The following NPAS3 variants were observed in gnomAD, a reference collection of about 807,000 sequenced individuals.
NPAS3 encodes neuronal PAS domain-containing protein 3.
In NPAS3, 14 loss-of-function variants were observed where a neutral mutation model predicts 73.1. The observed-to-expected ratio is 0.19, with a 90% confidence interval of 0.13 to 0.30. The LOEUF (loss-of-function observed/expected upper bound fraction) is 0.30. NPAS3 is among the 10% of genes least tolerant of loss of function. The probability of loss-of-function intolerance (pLI) is 1.00; values close to 1 mark genes in which losing one functional copy is unlikely to be tolerated. For missense variants in NPAS3, 1,096 were observed against 1,250.0 expected, an observed-to-expected ratio of 0.88 and a Z score of 1.86; for synonymous variants, 620 against 541.5, an observed-to-expected ratio of 1.14 and a Z score of -2.01.
chr14:32,966,627 G>T (rs59540691), intron 1 of NPAS3, among the ~76,000 whole-genome samples: 1 of 134,580 alleles, frequency 7.4e-6, no homozygotes, highest in Admixed American at 7.0e-5. Flanking sequence ...AAAATTAGCC[G>T]GGCGCGGTGG....
At chr14:33,354,218 A>G (rs2045223040) in intron 3 of NPAS3, among the ~76,000 whole-genome samples, 1 of 152,062 alleles carries the variant, frequency 6.6e-6, no homozygotes, top group African/African-American at 2.4e-5. Context: ...CTCTCCCTTC[A>G]TAGGAGAGTC....
At position 33,067,753 on chromosome 14, in the gene NPAS3, C is replaced by T. The variant is rs2041329696; in HGVS notation, c.140+11759C>T. Among the ~76,000 whole-genome samples, 3 of 152,294 alleles carry T rather than the reference C, an allele frequency of 2.0e-5. 1 individual carries two copies. In the South Asian group the frequency reaches 6.2e-4, roughly 32 times the overall value. On this transcript the variant is annotated intron_variant, in intron 2 of 11. Coordinates refer to ENST00000356141, the Ensembl canonical transcript of NPAS3. ...CACAGATTAAGACCTCTTTCATCTC[C>T]CAGTTTAGGGCCTTCTCCAGGACAG...
At chr14:33,199,282 G>A (rs763269759) in intron 2 of NPAS3, among the ~76,000 whole-genome samples, 7 of 152,330 alleles carry the variant, frequency 4.6e-5, no homozygotes, top group African/African-American at 7.2e-5. Flanking sequence ...CCTCCAGCAC[G>A]TTGTCACCTC....
intron 7 of NPAS3, among the ~76,000 whole-genome samples, chr14:33,759,881 A>G (rs953184558): frequency 2.0e-5 from 3 of 152,236 alleles, no homozygotes; most frequent in Non-Finnish European, 4.4e-5. Flanking sequence ...ATTTAGCATA[A>G]TGGATATGAT....
At chr14:33,775,732 A>G (rs2138483085) in intron 8 of NPAS3, among the ~76,000 whole-genome samples, 1 of 152,328 alleles carries the variant, frequency 6.6e-6, no homozygotes, top group East Asian at 1.9e-4. Context: ...TAAAATGTTT[A>G]TGATCGTGAC....
At chr14:33,029,670 G>A (rs17455969) in intron 1 of NPAS3, among the ~76,000 whole-genome samples, 8,286 of 152,242 alleles carry the variant, frequency 0.054, 288 homozygotes, top group Middle Eastern at 0.096. Flanking sequence ...CACCAAACCT[G>A]GTGATCAAAT....
chr14:33,419,376 T>C (rs1234103730), intron 4 of NPAS3, among the ~76,000 whole-genome samples: 2 of 151,914 alleles, frequency 1.3e-5, no homozygotes, highest in Non-Finnish European at 2.9e-5. Flanking sequence ...ATGTATATTT[T>C]ATATAGAGGC....
At chr14:33,612,425 T>C (rs1456878770) in intron 5 of NPAS3, 1 of 455,884 alleles carries the variant, frequency 2.2e-6, no homozygotes, top group African/African-American at 2.0e-5. Flanking sequence ...TGTGTTCACC[T>C]CTCCAGTCAC....
intron 6 of NPAS3, among the ~76,000 whole-genome samples, chr14:33,732,396 T>G (rs73258980): frequency 0.027 from 4,118 of 152,316 alleles, 167 homozygotes; most frequent in African/African-American, 0.091. Flanking sequence ...ATCTGTCACA[T>G]GCAGATAATC....
At chr14:33,041,123 T>C (rs2040334836) in intron 1 of NPAS3, among the ~76,000 whole-genome samples, 1 of 152,154 alleles carries the variant, frequency 6.6e-6, no homozygotes, top group Non-Finnish European at 1.5e-5. Context: ...AGGCAGGAAT[T>C]AGCTATAATA....
rs10141940 is a variant in NPAS3 at position 33,800,515 on chromosome 14, C to T, written c.2208C>T (p.Thr736=). The T allele has an allele frequency of 0.15, 211,822 of 1,412,672 alleles. 17,229 individuals carry two copies. Among genetic ancestry groups the T allele is most frequent in the Non-Finnish European group, 0.17 (182,783 of 1,090,772 alleles). The allele number at this position is 1,412,672 out of a possible 1,614,324, so 87.5% of individuals were successfully genotyped here. A position where few individuals can be genotyped will look rare whatever the true frequency, so the allele number is the denominator to read the frequency against. ...AGACTCAGTTCGGCGCCTCGGCCAC[C>T]GCGGCCCTGGCCCCCGTCGCCTCCG... The change falls in exon 12 of 12, where the codon ACC becomes ACT. Residue 736 remains threonine, a synonymous_variant. Transcript: ENST00000356141. This position sits in a 1 kb window ranked among gnomAD's most constrained non-coding sequence, Gnocchi z 6.5.
intron 1 of NPAS3, 89 bp from the exon 2 acceptor site, chr14:33,055,816 T>TTAAAA: frequency 1.8e-6 from 1 of 563,486 alleles, no homozygotes; most frequent in Non-Finnish European, 3.2e-6. Flanking sequence ...AAGCAAAATA[T>TTAAAA]ATTGAATTTC....
chr14:33,095,603 G>C (rs2042378673), intron 2 of NPAS3, among the ~76,000 whole-genome samples: 1 of 151,130 alleles, frequency 6.6e-6, no homozygotes, highest in Non-Finnish European at 1.5e-5. Context: ...ATGTTAGTAT[G>C]GTATCAAGTC....
chr14:33,038,431 C>G (rs145212115), intron 1 of NPAS3, among the ~76,000 whole-genome samples: 2 of 151,688 alleles, frequency 1.3e-5, no homozygotes, highest in Admixed American at 6.6e-5. Context: ...AACAAACAAA[C>G]AAAAAAACAA....
At chr14:33,200,797 G>A (rs2046585036) in intron 2 of NPAS3, among the ~76,000 whole-genome samples, 2 of 152,238 alleles carry the variant, frequency 1.3e-5, no homozygotes, top group South Asian at 2.1e-4. Flanking sequence ...GTGCTGGGCA[G>A]GTGCTTTCCA....
intron 3 of NPAS3, among the ~76,000 whole-genome samples, chr14:33,232,474 C>T (rs568570251): frequency 1.5e-4 from 23 of 152,258 alleles, no homozygotes; most frequent in Admixed American, 4.6e-4. Context: ...AGATGACTTG[C>T]GCAGTGTTAA....
chr14:33,121,526 G>A (rs907227614), intron 2 of NPAS3, among the ~76,000 whole-genome samples: 1 of 152,116 alleles, frequency 6.6e-6, no homozygotes, highest in African/African-American at 2.4e-5. Context: ...GCCTATAGCA[G>A]GTGCTTATTG....
chr14:33,037,737 A>G (rs1454248922), intron 1 of NPAS3, among the ~76,000 whole-genome samples: 1 of 152,190 alleles, frequency 6.6e-6, no homozygotes, highest in Non-Finnish European at 1.5e-5. Flanking sequence ...AGCCAAGGGA[A>G]ATTGGATTGA....
At chr14:33,765,751 A>G (rs1248539210) in intron 7 of NPAS3, among the ~76,000 whole-genome samples, 4 of 152,008 alleles carry the variant, frequency 2.6e-5, no homozygotes, top group African/African-American at 9.7e-5. Context: ...ATCTTTATTA[A>G]GATCTCTCAA....
Sources: gnomAD v4.1 joint callset for allele counts (sites outside exome capture counted in the v4.1 genomes callset) on GRCh38, gnomAD v4.1.1 for gene constraint, Gnocchi (gnomAD v3.1) non-coding constraint, MANE v1.5 for transcripts, NCBI Gene and HGNC (gene_info 2026-07-23, HGNC 2026-07-21) for gene names.